The following XPC variants were observed in gnomAD, a reference collection of about 807,000 sequenced individuals.
The protein encoded by XPC is DNA repair protein complementing XP-C cells.
Under a neutral mutation model 95.8 loss-of-function variants are expected in XPC, and 76 were observed. The observed-to-expected ratio is 0.79, with a 90% CI of 0.66 to 0.96. The LOEUF (loss-of-function observed/expected upper bound fraction) is 0.96, where lower values mean the gene tolerates loss of function less well. XPC is among the 40% of genes least tolerant of loss of function. The pLI, the probability that XPC is intolerant of heterozygous loss-of-function variation, is 0.00. For synonymous variants in XPC, 442 were observed against 442.1 expected (o/e 1.00, Z 0.00); for missense variants, 1,146 against 1,179.8 (o/e 0.97, Z 0.42).
intron 2 of XPC, among the ~76,000 whole-genome samples, chr3:14,170,905 G>C (rs1574975344): frequency 6.6e-6 from 1 of 152,198 alleles, no homozygotes; most frequent in Admixed American, 6.5e-5. Flanking sequence ...TGTGCAGTTG[G>C]AGGCCAGAAA....
At position 14,172,936 on chromosome 3, in the gene XPC, T is replaced by A. The variant is rs1696670917; in HGVS notation, c.230A>T (p.Lys77Met). Residue 77 changes from lysine (K) to methionine (M), a missense_variant, in exon 2 of 16, where the codon AAG (lysine) becomes ATG (methionine). Lys to Met is a moderately conservative substitution (Grantham distance 95, BLOSUM62 -1). Coordinates refer to ENST00000285021, the MANE Select transcript of XPC (RefSeq NM_004628.5). ...ADGPAKKKVA[K>M]VTVKSENLKV... is the part of the protein sequence containing the mutation. ...GAGGTTTTCAGATTTAACAGTCACCTTGGCCACTTTCTTTTTTGCTGGACC... is the reference window on the plus strand; with the variant it reads ...GAGGTTTTCAGATTTAACAGTCACCATGGCCACTTTCTTTTTTGCTGGACC... The A allele has an allele frequency of 3.1e-6, 5 of 1,614,022 alleles. No individual in the cohort carries two copies. In the South Asian group the frequency reaches 4.4e-5, roughly 14 times the overall value.
At chr3:14,177,637 A>G (rs1696881890) in intron 1 of XPC, among the ~76,000 whole-genome samples, 1 of 152,058 alleles carries the variant, frequency 6.6e-6, no homozygotes, top group Non-Finnish European at 1.5e-5. Context: ...AGGCCAGGAT[A>G]AAACAACTGG....
chr3:14,172,800 T>C (rs1696663006), intron 2 of XPC, 67 bp downstream of exon 2: 2 of 1,533,572 alleles, frequency 1.3e-6, no homozygotes, highest in Non-Finnish European at 1.8e-6. Context: ...GAATAGAGGT[T>C]TTCATTATTC....
At chr3:14,148,456 AC>A (rs2125009239) in intron 13 of XPC, 105 bp downstream of exon 13, 2 of 1,460,100 alleles carry the variant, frequency 1.4e-6, no homozygotes, top group Non-Finnish European at 1.8e-6. Flanking sequence ...AATTGGAGCC[AC>A]CAGGCCTCAA....
At chr3:14,154,738 A>G (rs572061363) in intron 10 of XPC, among the ~76,000 whole-genome samples, 6 of 152,056 alleles carry the variant, frequency 3.9e-5, no homozygotes. Context: ...TGACAGTGTG[A>G]ATGTGCTTAA....
chr3:14,178,363 G>A (rs1696926249), intron 1 of XPC, 103 bp downstream of exon 1: 4 of 1,329,226 alleles, frequency 3.0e-6, no homozygotes, highest in Non-Finnish European at 3.0e-6. Flanking sequence ...AACGCGCGCA[G>A]CAACCTCCAC....
At chr3:14,155,386 C>T (rs1695859757) in intron 10 of XPC, among the ~76,000 whole-genome samples, 1 of 152,012 alleles carries the variant, frequency 6.6e-6, no homozygotes, top group African/African-American at 2.4e-5. Flanking sequence ...GCTTTTTATT[C>T]CCATTTCTCA....
At chr3:14,153,733 A>G (rs1695790532) in intron 10 of XPC, among the ~76,000 whole-genome samples, 2 of 152,212 alleles carry the variant, frequency 1.3e-5, no homozygotes, top group African/African-American at 4.8e-5. Context: ...GTTTATGGGG[A>G]TCCAACCTCA....
chr3:14,149,016 C>T, intron 11 of XPC, 68 bp from the exon 12 acceptor site: 1 of 1,595,896 alleles, frequency 6.3e-7, no homozygotes, highest in Non-Finnish European at 8.6e-7. Flanking sequence ...GGCCAGGCAC[C>T]ATGCTCAGTG....
In XPC at chr3:14,158,903, A is replaced by G. The variant is rs779231150; in HGVS notation, c.991-11T>C. 8.7e-6 allele frequency: 14 copies of G among 1,613,584 alleles called. No individual in the cohort carries two copies. The highest frequency in any genetic ancestry group is 8.3e-5 in the Admixed American group (5 of 59,990). On this transcript the variant is annotated splice_polypyrimidine_tract_variant and intron_variant, in intron 8 of 15. Coordinates refer to ENST00000285021, the MANE Select transcript of XPC (RefSeq NM_004628.5). The surrounding 1 kb of genome is among the most constrained non-coding windows in gnomAD (Gnocchi z 5.2). Reference sequence around the variant, plus strand: ...GGAAGGTTTCTTTCCCTTAAACAGAATAAGAAATTTTGCTTTTTTTTCTCC... The same window carrying G: ...GGAAGGTTTCTTTCCCTTAAACAGAGTAAGAAATTTTGCTTTTTTTTCTCC...
At chr3:14,169,762 C>G (rs568147431) in intron 3 of XPC, among the ~76,000 whole-genome samples, 1 of 152,126 alleles carries the variant, frequency 6.6e-6, no homozygotes. Flanking sequence ...TGAATATTTA[C>G]AGAGAGAAAC....
Position 14,145,536 on chromosome 3 carries a change from G to A in XPC, c.*405C>T. The A allele has an allele frequency of 1.4e-6, 1 of 700,204 alleles. No individual in the cohort carries two copies. Among genetic ancestry groups the A allele is most frequent in the Non-Finnish European group, 2.6e-6 (1 of 384,750 alleles). 43.4% of individuals were successfully genotyped at this position (700,204 alleles called of 1,614,324 possible). ...GTCGGACAGATGAAGACTCTAACTG[G>A]AAGAAACGATCAGCGCATTCACGGA... On this transcript the variant is annotated 3_prime_UTR_variant, in exon 16 of 16. Transcript: ENST00000285021.
Position 14,148,870 on chromosome 3 carries a change from G to C in XPC, c.2194C>G (p.Leu732Val). 1.2e-6 allele frequency: 2 copies of C among 1,613,988 alleles called. No homozygotes were observed. The highest frequency in any genetic ancestry group is 1.3e-5 in the African/African-American group (1 of 75,030). ...PQLREENDLG[L>V]FGYWQTEEYQ... is the part of the protein sequence containing the mutation. ...TCCTCTGTCTGCCAGTAGCCAAACA[G>C]GCCCAGGTCATTTTCTTCCCGCAGC... The change falls in exon 12 of 16, where the codon CTG (leucine) becomes GTG (valine). Residue 732 changes from leucine (L) to valine (V), a missense_variant. Coordinates refer to ENST00000285021, the MANE Select transcript of XPC (RefSeq NM_004628.5).
At chr3:14,146,190 G>A (rs753690236) in intron 15 of XPC, 31 bp from the exon 16 acceptor site, 19 of 1,571,832 alleles carry the variant, frequency 1.2e-5, no homozygotes, top group Non-Finnish European at 1.6e-5. Context: ...GGAGGACACA[G>A]GCGAGGGTTA....
At chr3:14,150,490 T>G (rs182790872) in intron 11 of XPC, among the ~76,000 whole-genome samples, 2 of 152,236 alleles carry the variant, frequency 1.3e-5, no homozygotes. Context: ...ACAGAGGGAC[T>G]CTGAGTTCTG....
Position 14,158,041 on chromosome 3 carries a change from A to T in XPC, c.1842T>A (p.Phe614Leu). Reference protein sequence around the residue: ...AETLRPYQSPFMDREKKEDLE... With the variant: ...AETLRPYQSPLMDREKKEDLE... ...AGTCTTCTTTCTTCTCCCTGTCCAT[A>T]AATGGGCTCTGGTATGGTCTCAAGG... is the stretch of plus-strand genomic sequence containing the variant. The change falls in exon 9 of 16, where the codon TTT (phenylalanine) becomes TTA (leucine). Residue 614 changes from phenylalanine to leucine, a missense_variant. Transcript: ENST00000285021. The surrounding 1 kb of genome is among the most constrained non-coding windows in gnomAD (Gnocchi z 5.2). 1 of 1,602,802 alleles carries T rather than the reference A, an allele frequency of 6.2e-7. No homozygotes were observed. The highest frequency in any genetic ancestry group is 1.1e-5 in the South Asian group (1 of 90,930).
chr3:14,149,078 G>A lies in XPC; in HGVS notation c.2116-130C>T, dbSNP rs536819831. On this transcript the variant is annotated intron_variant, in intron 11 of 15. Transcript: ENST00000285021. ...TCAGAACACACCTACCAGCTGGGGT[G>A]CTTTTTCTCCCTTTTTTTTTTTTGA... The A allele has an allele frequency of 6.3e-5, 85 of 1,345,436 alleles. No homozygotes were observed. In the African/African-American group the frequency reaches 1.2e-3, roughly 19 times the overall value. 83.3% of individuals were successfully genotyped at this position (1,345,436 alleles called of 1,614,324 possible).
chr3:14,149,292 C>T (rs745985955), intron 11 of XPC, among the ~76,000 whole-genome samples: 5 of 152,190 alleles, frequency 3.3e-5, no homozygotes, highest in Non-Finnish European at 5.9e-5. Flanking sequence ...ACCATGTTGG[C>T]CAGGCTGGTC....
At chr3:14,147,158 A>C (rs1293111564) in intron 15 of XPC, 132 bp downstream of exon 15, 1 of 935,306 alleles carries the variant, frequency 1.1e-6, no homozygotes, top group African/African-American at 1.7e-5. Context: ...TTAGAGACAG[A>C]AGACTGAGGT....
Sources: allele counts gnomAD v4.1 joint callset (sites outside exome capture counted in the v4.1 genomes callset), GRCh38; gene constraint gnomAD v4.1.1; non-coding constraint Gnocchi (gnomAD v3.1); transcripts MANE v1.5; gene names NCBI Gene and HGNC (gene_info 2026-07-23, HGNC 2026-07-21).